The following PHF2 variants were observed in gnomAD, a reference collection of about 807,000 sequenced individuals.
PHF2 encodes PHD finger protein 2.
A neutral mutation model predicts 120.5 loss-of-function variants in PHF2; 27 were observed. That is an observed-to-expected ratio of 0.22 (90% CI 0.17 to 0.31). PHF2 has a LOEUF of 0.31. Ranked by LOEUF, PHF2 falls within the 10% of genes least tolerant of loss-of-function variation. The pLI is 1.00. For missense variants in PHF2, 1,024 were observed against 1,434.8 expected (o/e 0.71, Z 4.63); for synonymous variants, 568 against 592.5 (o/e 0.96, Z 0.60).
At chr9:93,675,548 G>A (rs1826893785) in intron 19 of PHF2, 132 bp from the exon 20 acceptor site, 6 of 685,668 alleles carry the variant, frequency 8.8e-6, no homozygotes, top group African/African-American at 1.8e-5. Flanking sequence ...CGGCTTCACA[G>A]CCAGGAATCC....
chr9:93,660,620 T>C, intron 12 of PHF2, 60 bp downstream of exon 12: 1 of 1,456,484 alleles, frequency 6.9e-7, no homozygotes, highest in Non-Finnish European at 9.1e-7. Context: ...GCATCTCTTG[T>C]GGGCCAGTCC....
At chr9:93,674,018 C>T (rs756153512) in intron 18 of PHF2, among the ~76,000 whole-genome samples, 156 bp downstream of exon 18, 1 of 152,232 alleles carries the variant, frequency 6.6e-6, no homozygotes. Flanking sequence ...CGGAGACCCT[C>T]CTGTGAGCGA....
Position 93,677,764 on chromosome 9 carries a change from C to T in PHF2, c.*88C>T. ...GCCTCCCAGGAGGGTGCCGAGCTGC[C>T]TCACCAGGGAGGGCCTTGCCTCTTC... On this transcript the variant is annotated 3_prime_UTR_variant, in exon 22 of 22. Transcript: ENST00000359246. The surrounding 1 kb of genome is among the most constrained non-coding windows in gnomAD (Gnocchi z 4.4). The T allele has an allele frequency of 5.1e-6, 5 of 972,138 alleles. No individual in the cohort carries two copies. The highest frequency in any genetic ancestry group is 1.5e-5 in the South Asian group (1 of 68,666). 60.2% of individuals were successfully genotyped at this position (972,138 alleles called of 1,614,324 possible). A position where few individuals can be genotyped will look rare whatever the true frequency, so the allele number is the denominator to read the frequency against.
rs112473652 is a variant in PHF2, at chr9:93,678,006, G to A, written c.*330G>A. 3.7e-6 allele frequency: 1 copy of A among 273,620 alleles called. No homozygotes were observed. The allele number at this position is 273,620 out of a possible 1,614,324, so 16.9% of individuals were successfully genotyped here. On this transcript the variant is annotated 3_prime_UTR_variant, in exon 22 of 22. Transcript: ENST00000359246. Reference sequence around the variant, plus strand: ...GTGATTGCAGGGCCTCTGCAGCTCTGCTGAGAGCATGAGTCCTTCAAGGAA... The same window carrying A: ...GTGATTGCAGGGCCTCTGCAGCTCTACTGAGAGCATGAGTCCTTCAAGGAA...
intron 1 of PHF2, among the ~76,000 whole-genome samples, chr9:93,617,128 G>A (rs1825742298): frequency 6.6e-6 from 1 of 152,184 alleles, no homozygotes; most frequent in African/African-American, 2.4e-5. Context: ...TCTGAGCCAG[G>A]GGCCAGGGCC....
Position 93,663,031 on chromosome 9 carries a change from G to A in PHF2, c.1818+5G>A, listed in dbSNP as rs368765970. The A allele has an allele frequency of 1.8e-4, 284 of 1,614,086 alleles. 1 individual carries two copies. In the South Asian group the frequency reaches 3.1e-3, roughly 18 times the overall value. The stretch of plus-strand genomic sequence containing the variant: ...GAGGCCAAGTGGAAGTACAAGGTGA[G>A]AAGTGCACATATGCATGCACACGTG... On this transcript the variant is annotated splice_donor_5th_base_variant and intron_variant, in intron 13 of 21. Transcript: ENST00000359246.
chr9:93,584,839 A>G (rs890055861), intron 1 of PHF2, among the ~76,000 whole-genome samples: 2 of 152,234 alleles, frequency 1.3e-5, no homozygotes, highest in Non-Finnish European at 2.9e-5. Flanking sequence ...TCATCTTAAT[A>G]GTATTAAGTC....
At chr9:93,596,841 C>T (rs768485586) in intron 1 of PHF2, among the ~76,000 whole-genome samples, 5 of 151,862 alleles carry the variant, frequency 3.3e-5, no homozygotes, top group Admixed American at 6.6e-5. Flanking sequence ...TTACTGCAAC[C>T]TCTGTCTCCT....
chr9:93,675,213 GCTTCTGGGGGC>G (rs1301284806), intron 19 of PHF2, among the ~76,000 whole-genome samples, 191 bp downstream of exon 19: 1 of 152,184 alleles, frequency 6.6e-6, no homozygotes, highest in East Asian at 1.9e-4. Context: ...CTTCTGCTTT[GCTTCTGGGGGC>G]CTGGGAGCCC....
intron 1 of PHF2, among the ~76,000 whole-genome samples, chr9:93,602,255 T>TTTTC (rs1825455606): frequency 8.7e-6 from 1 of 115,108 alleles, no homozygotes; most frequent in African/African-American, 3.0e-5. Context: ...TTCTTTTTTT[T>TTTTC]TTTTTTTTTT....
At chr9:93,608,332 A>AT (rs757587977) in intron 1 of PHF2, among the ~76,000 whole-genome samples, 1,936 of 133,018 alleles carry the variant, frequency 0.015, 18 homozygotes, top group Non-Finnish European at 0.024. Flanking sequence ...CATAATAATA[A>AT]TAATTATTAT....
At chr9:93,605,115 T>A (rs1286720366) in intron 1 of PHF2, among the ~76,000 whole-genome samples, 1 of 152,256 alleles carries the variant, frequency 6.6e-6, no homozygotes, top group Non-Finnish European at 1.5e-5. Flanking sequence ...GCGTCTTGCA[T>A]TAATGTAGTA....
rs74647683 is a variant in PHF2, at chr9:93,672,828, G to A, written c.2349-757G>A. On this transcript the variant is annotated intron_variant, in intron 17 of 21. Coordinates refer to ENST00000359246, the MANE Select transcript of PHF2 (RefSeq NM_005392.4). ...GATGCATGTATGGGTGTAGGTGTAG[G>A]AACAGGTGTAGATGCAGGTGCAGGG... The A allele has an allele frequency of 1.8e-5, 18 of 983,070 alleles. No homozygotes were observed. In the African/African-American group the frequency reaches 2.6e-4, roughly 14 times the overall value. The allele number at this position is 983,070 out of a possible 1,614,324, so 60.9% of individuals were successfully genotyped here.
At chr9:93,644,733 G>A (rs1049339678) in intron 3 of PHF2, among the ~76,000 whole-genome samples, 1 of 152,032 alleles carries the variant, frequency 6.6e-6, no homozygotes, top group African/African-American at 2.4e-5. Context: ...GGAGCAGGAG[G>A]CAGCCTGGGG....
At chr9:93,604,357 C>T (rs1170325286) in intron 1 of PHF2, among the ~76,000 whole-genome samples, 3 of 147,842 alleles carry the variant, frequency 2.0e-5, no homozygotes, top group Admixed American at 6.8e-5. Context: ...TTTTTTGAGA[C>T]GGAGAGCAAG....
chr9:93,626,421 C>T (rs73522252), intron 1 of PHF2, among the ~76,000 whole-genome samples: 3,815 of 152,164 alleles, frequency 0.025, 67 homozygotes, highest in Middle Eastern at 0.044. Context: ...GTTTATTAAT[C>T]GGATTGTTTG....
At chr9:93,669,760 T>C (rs1446460204) in intron 17 of PHF2, among the ~76,000 whole-genome samples, 2 of 152,182 alleles carry the variant, frequency 1.3e-5, no homozygotes, top group Non-Finnish European at 2.9e-5. Flanking sequence ...TCCCTCTGTG[T>C]CTGGGCTCCC....
chr9:93,592,551 A>G (rs1317979101), intron 1 of PHF2, among the ~76,000 whole-genome samples: 1 of 152,066 alleles, frequency 6.6e-6, no homozygotes, highest in East Asian at 1.9e-4. Flanking sequence ...GAGCTTAGGG[A>G]CAAGACTTAA....
intron 1 of PHF2, among the ~76,000 whole-genome samples, chr9:93,622,109 G>T (rs1427679178): frequency 6.6e-6 from 1 of 152,160 alleles, no homozygotes; most frequent in Admixed American, 6.5e-5. Flanking sequence ...CATGGCTGTT[G>T]TCACCTTGTC....
Sources: allele counts gnomAD v4.1 joint callset (sites outside exome capture counted in the v4.1 genomes callset), GRCh38; gene constraint gnomAD v4.1.1; non-coding constraint Gnocchi (gnomAD v3.1); transcripts MANE v1.5; gene names NCBI Gene and HGNC (gene_info 2026-07-23, HGNC 2026-07-21).